Variants in CA5A observed in about 807,000 individuals in gnomAD.
CA5A encodes carbonic anhydrase 5A, mitochondrial.
Under a neutral mutation model 37.1 loss-of-function variants are expected in CA5A, and 28 were observed. The ratio of observed to expected loss-of-function variants is 0.75; its 90% CI spans 0.56 to 1.03. The LOEUF (loss-of-function observed/expected upper bound fraction) is 1.03. Ranked by LOEUF, CA5A falls within the 50% of genes least tolerant of loss-of-function variation. The pLI is 0.00. For synonymous variants in CA5A, 171 were observed against 158.4 expected, an observed-to-expected ratio of 1.08 and a Z score of -0.60; for missense variants, 444 against 399.9, an observed-to-expected ratio of 1.11 and a Z score of -0.94.
chr16:87,934,229 C>T (rs542783534), intron 1 of CA5A, among the ~76,000 whole-genome samples: 91 of 152,376 alleles, frequency 6.0e-4, no homozygotes, highest in African/African-American at 2.1e-3. Flanking sequence ...ATTATCAACC[C>T]CCTGTTACAG....
chr16:87,931,818 A>T (rs2144099032), intron 1 of CA5A, among the ~76,000 whole-genome samples: 1 of 152,336 alleles, frequency 6.6e-6, no homozygotes, highest in African/African-American at 2.4e-5. Context: ...CTCACGCGAT[A>T]GACAACTATG....
At chr16:87,900,794 T>G (rs1196285627) in intron 5 of CA5A, among the ~76,000 whole-genome samples, 1 of 152,244 alleles carries the variant, frequency 6.6e-6, no homozygotes, top group Non-Finnish European at 1.5e-5. Context: ...GGGTGGTACA[T>G]GAGTCAACAT....
intron 1 of CA5A, among the ~76,000 whole-genome samples, chr16:87,934,653 C>A (rs540864377): frequency 6.6e-6 from 1 of 151,362 alleles, no homozygotes; most frequent in Non-Finnish European, 1.5e-5. Context: ...GCGCTCTTGA[C>A]GGTCGTACTA....
At chr16:87,929,854 A>G in intron 1 of CA5A, among the ~76,000 whole-genome samples, 1 of 128,790 alleles carries the variant, frequency 7.8e-6, no homozygotes, top group South Asian at 2.7e-4. Context: ...CCTGGGCAAT[A>G]CAGCGAGACT....
downstream of CA5A, chr16:87,886,730 T>C (rs1392244584): frequency 2.0e-5 from 3 of 152,148 alleles, no homozygotes; most frequent in African/African-American, 7.2e-5. Flanking sequence ...GATCAATCAA[T>C]AGATATCCAA....
chr16:87,892,225 T>C (rs1351111766), intron 5 of CA5A: 7 of 313,868 alleles, frequency 2.2e-5, no homozygotes, highest in Admixed American at 1.6e-4. Context: ...TTTGAAGTCA[T>C]TTCTTGGGGC....
intron 5 of CA5A, among the ~76,000 whole-genome samples, chr16:87,900,779 G>A (rs1349644992): frequency 6.6e-6 from 1 of 152,244 alleles, no homozygotes; most frequent in Admixed American, 6.5e-5. Flanking sequence ...TTCAAGGAGA[G>A]TGCTGGGTGG....
chr16:87,919,161 C>T (rs1392627447), intron 2 of CA5A, among the ~76,000 whole-genome samples: 8 of 152,266 alleles, frequency 5.3e-5, no homozygotes, highest in South Asian at 2.1e-4. Flanking sequence ...CAGAGGCTGA[C>T]GCTGGGAGAC....
In CA5A at chr16:87,924,377, G is replaced by T. The variant is rs557184057; in HGVS notation, c.340+2371C>A. The T allele has an allele frequency of 1.4e-4, 127 of 935,078 alleles. 2 individuals are homozygous for T. In the South Asian group the frequency reaches 4.8e-3, roughly 36 times the overall value. The allele number at this position is 935,078 out of a possible 1,614,324, so 57.9% of individuals were successfully genotyped here. On this transcript the variant is annotated intron_variant, in intron 2 of 6. Transcript: ENST00000649794. ...GAGACACTGGAAGGACCAAGCCGTGGTGTTTGCGATGCACTGTGTAGGGCC... is the reference window on the plus strand; with the variant it reads ...GAGACACTGGAAGGACCAAGCCGTGTTGTTTGCGATGCACTGTGTAGGGCC...
chr16:87,908,985 G>A (rs1170820342), intron 2 of CA5A, among the ~76,000 whole-genome samples: 6 of 126,424 alleles, frequency 4.7e-5, no homozygotes, highest in African/African-American at 1.8e-4. Context: ...CACCACACCC[G>A]GCTATTTTTT....
chr16:87,896,342 C>G (rs1309090452), intron 5 of CA5A, among the ~76,000 whole-genome samples: 2 of 152,158 alleles, frequency 1.3e-5, no homozygotes, highest in African/African-American at 2.4e-5. Flanking sequence ...AAGAGGATGC[C>G]TGTGTGTTGC....
chr16:87,887,941 A>G (rs573439764), downstream of CA5A: 220 of 798,494 alleles, frequency 2.8e-4, no homozygotes, highest in Non-Finnish European at 3.7e-4. Flanking sequence ...CCTCCATCCC[A>G]GCGTTATGTT....
chr16:87,916,182 C>CAA (rs72055887), intron 2 of CA5A, among the ~76,000 whole-genome samples: 1 of 143,996 alleles, frequency 6.9e-6, no homozygotes, highest in African/African-American at 2.7e-5. Context: ...AAAAAAAAAA[C>CAA]AAAAAACCAT....
intron 2 of CA5A, chr16:87,923,661 G>A: frequency 1.0e-6 from 1 of 985,432 alleles, no homozygotes. Flanking sequence ...TCAGCCACCA[G>A]ACCCTTTGCC....
At chr16:87,901,119 G>A (rs1340246615) in intron 5 of CA5A, among the ~76,000 whole-genome samples, 1 of 152,112 alleles carries the variant, frequency 6.6e-6, no homozygotes, top group East Asian at 1.9e-4. Context: ...TGTCCCAGCC[G>A]CATGGGAGGC....
At chr16:87,921,572 A>T (rs1021709838) in intron 2 of CA5A, among the ~76,000 whole-genome samples, 7 of 152,204 alleles carry the variant, frequency 4.6e-5, no homozygotes, top group African/African-American at 1.7e-4. Flanking sequence ...AGCCAGTGAC[A>T]GGGCTGTTCT....
At chr16:87,882,187 C>T (rs2055613231) in intron 4 of CA5A, 1 of 152,284 alleles carries the variant, frequency 6.6e-6, no homozygotes, top group Non-Finnish European at 1.5e-5. Context: ...GTCACCCCTT[C>T]CCCAGCAGAG....
chr16:87,929,451 CAAAAAA>C (rs138039345), intron 1 of CA5A, among the ~76,000 whole-genome samples: 2 of 88,146 alleles, frequency 2.3e-5, no homozygotes, highest in Non-Finnish European at 4.8e-5. Context: ...AATTCGGTCT[CAAAAAA>C]AAAAAAAAAA....
At chr16:87,928,376 C>T (rs1335715325) in intron 1 of CA5A, among the ~76,000 whole-genome samples, 2 of 152,106 alleles carry the variant, frequency 1.3e-5, no homozygotes, top group Non-Finnish European at 2.9e-5. Flanking sequence ...GTTGCCCAGG[C>T]TGGTCTCAAA....
Sources: gnomAD v4.1 joint callset for allele counts (sites outside exome capture counted in the v4.1 genomes callset) on GRCh38, gnomAD v4.1.1 for gene constraint, MANE v1.5 for transcripts, NCBI Gene and HGNC (gene_info 2026-07-23, HGNC 2026-07-21) for gene names.